TMEM260: variants seen among roughly 807,000 people sequenced by gnomAD.
TMEM260 encodes transmembrane protein 260.
Under a neutral mutation model 88.9 loss-of-function variants are expected in TMEM260, and 82 were observed. The ratio of observed to expected loss-of-function variants is 0.92; its 90% CI spans 0.77 to 1.11. The LOEUF (loss-of-function observed/expected upper bound fraction) is 1.11, where lower values mean the gene tolerates loss of function less well. Among genes scored for constraint, TMEM260 ranks in the 50% least tolerant of loss-of-function variants. The probability of loss-of-function intolerance (pLI) is 0.00; values close to 1 mark genes in which losing one functional copy is unlikely to be tolerated. For missense variants in TMEM260, 902 were observed against 853.4 expected (o/e 1.06, Z -0.71); for synonymous variants, 314 against 309.3 (o/e 1.02, Z -0.16).
At chr14:56,601,283 A>G (rs1332923550) in intron 3 of TMEM260, among the ~76,000 whole-genome samples, 3 of 152,152 alleles carry the variant, frequency 2.0e-5, no homozygotes, top group African/African-American at 4.8e-5. Flanking sequence ...AGATTAGTGA[A>G]TGTTGAGTTT....
chr14:56,584,725 A>G (rs1885375347), intron 1 of TMEM260, among the ~76,000 whole-genome samples: 1 of 152,200 alleles, frequency 6.6e-6, no homozygotes, highest in African/African-American at 2.4e-5. Context: ...GCAAGTGGAT[A>G]CAACTTTCAA....
intron 5 of TMEM260, 132 bp from the exon 6 acceptor site, chr14:56,608,974 G>A: frequency 2.1e-6 from 2 of 942,226 alleles, no homozygotes; most frequent in Non-Finnish European, 3.2e-6. Flanking sequence ...AGTATTCTGT[G>A]GTGACTTAAT....
intron 11 of TMEM260, among the ~76,000 whole-genome samples, chr14:56,624,888 G>A (rs934794054): frequency 4.6e-5 from 7 of 152,016 alleles, no homozygotes; most frequent in Non-Finnish European, 1.5e-5. Flanking sequence ...GGTTGGGGGT[G>A]GGGGTGGGGA....
rs762454717 is a variant in TMEM260 at position 56,585,929 on chromosome 14, GTTAAAA to G, written c.344+22_344+27del. 4 of 1,608,546 alleles carry G rather than the reference GTTAAAA, an allele frequency of 2.5e-6. No homozygotes were observed. Among genetic ancestry groups the G allele is most frequent in the Non-Finnish European group, 3.4e-6 (4 of 1,177,970 alleles). ...CGTTTTCAGGTAAAGTAGTTGATTA[GTTAAAA>G]TTAATTTTGAGCAGTTGGAGATGTA... On this transcript the variant is annotated intron_variant, in intron 3 of 15. Transcript: ENST00000261556.
intron 6 of TMEM260, among the ~76,000 whole-genome samples, chr14:56,610,219 A>T (rs776557812): frequency 6.0e-5 from 9 of 149,512 alleles, no homozygotes; most frequent in South Asian, 2.1e-4. Context: ...GTTTCTTTTT[A>T]AAAAAAAGAA....
chr14:56,618,221 T>G (rs989929290), intron 9 of TMEM260, among the ~76,000 whole-genome samples: 4 of 152,036 alleles, frequency 2.6e-5, no homozygotes, highest in Admixed American at 6.5e-5. Flanking sequence ...TAGGAGGAAA[T>G]ACGTGAGGGG....
intron 13 of TMEM260, among the ~76,000 whole-genome samples, chr14:56,634,173 CTCCAGCAGTGAT>C (rs1888846050): frequency 6.6e-6 from 1 of 152,160 alleles, no homozygotes; most frequent in African/African-American, 2.4e-5. Context: ...AGCATCAAAG[CTCCAGCAGTGAT>C]TTTCCAAGCC....
chr14:56,624,929 GATC>G (rs1262547406), intron 11 of TMEM260, among the ~76,000 whole-genome samples: 1 of 152,202 alleles, frequency 6.6e-6, no homozygotes, highest in African/African-American at 2.4e-5. Flanking sequence ...TTCCACCTGA[GATC>G]ATCAGGCATT....
chr14:56,594,276 A>G (rs1886075197), intron 3 of TMEM260, among the ~76,000 whole-genome samples: 1 of 151,720 alleles, frequency 6.6e-6, no homozygotes, highest in South Asian at 2.1e-4. Flanking sequence ...TTAGCGATAT[A>G]TCTGTGAGTT....
chr14:56,605,467 C>CTT (rs111378942), intron 4 of TMEM260, 103 bp from the exon 5 acceptor site: 5,442 of 492,308 alleles, frequency 0.011, 159 homozygotes, highest in East Asian at 0.079. Context: ...TTTAACCTAA[C>CTT]ATGATACGAA....
Position 56,621,674 on chromosome 14 carries a change from G to C in TMEM260, c.1370G>C (p.Arg457Thr), listed in dbSNP as rs1887930170. The part of the protein sequence containing the change: ...LRYMHYCEGL[R>T]PDISLVDQEM... ...TACATGCATTACTGTGAGGGGTTGA[G>C]GCCTGACATTTCATTAGTGGATCAG... is the stretch of plus-strand genomic sequence containing the variant. The change falls in exon 11 of 16, where the codon AGG becomes ACG. Residue 457 changes from arginine to threonine, a missense_variant. Arg to Thr is a moderately conservative substitution (Grantham distance 71). Coordinates refer to ENST00000261556, the MANE Select transcript of TMEM260 (RefSeq NM_017799.4). The C allele has an allele frequency of 4.3e-6, 7 of 1,610,952 alleles. No homozygotes were observed. The highest frequency in any genetic ancestry group is 5.9e-6 in the Non-Finnish European group (7 of 1,178,928).
intron 7 of TMEM260, among the ~76,000 whole-genome samples, chr14:56,614,137 G>T (rs1310708142): frequency 6.7e-6 from 1 of 149,886 alleles, no homozygotes; most frequent in Non-Finnish European, 1.5e-5. Context: ...TCAAACTCTT[G>T]ACCTCAGGTG....
chr14:56,653,433 T>G (rs1470094421), downstream of TMEM260, among the ~76,000 whole-genome samples: 1 of 151,480 alleles, frequency 6.6e-6, no homozygotes, highest in Non-Finnish European at 1.5e-5. Context: ...AGTCACTGGC[T>G]TAGAAGAACT....
intron 3 of TMEM260, among the ~76,000 whole-genome samples, chr14:56,587,792 C>G (rs567683111): frequency 1.3e-5 from 2 of 152,078 alleles, no homozygotes; most frequent in African/African-American, 2.4e-5. Context: ...TAACCTAGTT[C>G]AAGTGGCAAA....
At chr14:56,655,321 C>T (rs1373265795), downstream of TMEM260, among the ~76,000 whole-genome samples, 2 of 149,872 alleles carry the variant, frequency 1.3e-5, no homozygotes, top group South Asian at 2.1e-4. Flanking sequence ...ACCCGGGAGG[C>T]GGAGGCTGCA....
intron 15 of TMEM260, among the ~76,000 whole-genome samples, chr14:56,646,687 T>C (rs1415061604): frequency 4.6e-5 from 7 of 152,230 alleles, no homozygotes; most frequent in Admixed American, 4.6e-4. Flanking sequence ...TCTCTTAAAT[T>C]CTATCACACC....
At chr14:56,603,097 A>G (rs1886676199) in intron 3 of TMEM260, among the ~76,000 whole-genome samples, 1 of 152,160 alleles carries the variant, frequency 6.6e-6, no homozygotes, top group African/African-American at 2.4e-5. Context: ...CGAGATCCAG[A>G]TTCCTGATTG....
At position 56,633,785 on chromosome 14, in the gene TMEM260, T is replaced by G. The variant is rs534240029; in HGVS notation, c.1724+614T>G. ...TCTATCTATGGAGTAGTGATTCTTTTACTTGATTTCACACACACACACAGA... is the reference window on the plus strand; with the variant it reads ...TCTATCTATGGAGTAGTGATTCTTTGACTTGATTTCACACACACACACAGA... On this transcript the variant is annotated intron_variant, in intron 13 of 15. Coordinates refer to ENST00000261556, the MANE Select transcript of TMEM260 (RefSeq NM_017799.4). 5.9e-5 allele frequency among the ~76,000 whole-genome samples: 9 copies of G among 152,098 alleles called. No individual in the cohort carries two copies. In the East Asian group the frequency reaches 1.8e-3, roughly 30 times the overall value.
intron 3 of TMEM260, among the ~76,000 whole-genome samples, chr14:56,590,295 A>G (rs1409057963): frequency 6.6e-6 from 1 of 152,236 alleles, no homozygotes; most frequent in Non-Finnish European, 1.5e-5. Context: ...TTAAGACTGT[A>G]GAGTCTTTTC....
Sources: allele counts gnomAD v4.1 joint callset (sites outside exome capture counted in the v4.1 genomes callset), GRCh38; gene constraint gnomAD v4.1.1; transcripts MANE v1.5; gene names NCBI Gene and HGNC (gene_info 2026-07-23, HGNC 2026-07-21).